Variants in SV2C observed in about 807,000 individuals in gnomAD.
SV2C encodes solute carrier family 22 member B3.
Under a neutral mutation model 79.7 loss-of-function variants are expected in SV2C, and 49 were observed. The observed-to-expected ratio is 0.61, with a 90% CI of 0.49 to 0.78. SV2C has a LOEUF of 0.78. Ranked by LOEUF, SV2C falls within the 30% of genes least tolerant of loss-of-function variation. The pLI is 0.00. For missense variants in SV2C, 833 were observed against 912.9 expected (o/e 0.91, Z 1.13); for synonymous variants, 334 against 333.2 (o/e 1.00, Z -0.03).
chr5:75,949,902 C>A, the SV2C span, among the ~76,000 whole-genome samples: 2 of 151,968 alleles, frequency 1.3e-5, no homozygotes, highest in Non-Finnish European at 2.9e-5. Context: ...TAAATTATAG[C>A]CCACAGGATT....
chr5:76,127,620 A>G (rs1179341082), intron 1 of SV2C, among the ~76,000 whole-genome samples: 1 of 152,198 alleles, frequency 6.6e-6, no homozygotes, highest in Non-Finnish European at 1.5e-5. Context: ...CCCTTTCATC[A>G]TCTCTGTGCT....
At chr5:76,151,377 C>T (rs570932498) in intron 2 of SV2C, among the ~76,000 whole-genome samples, 112 of 152,094 alleles carry the variant, frequency 7.4e-4, no homozygotes, top group Non-Finnish European at 1.3e-3. Context: ...CATTTTGGTG[C>T]CAATGGGGAG....
intron 12 of SV2C, among the ~76,000 whole-genome samples, chr5:76,343,829 T>C (rs1257288155): frequency 6.6e-6 from 1 of 152,176 alleles, no homozygotes; most frequent in Non-Finnish European, 1.5e-5. Flanking sequence ...AAGACCAGCA[T>C]AGGCAACATG....
the SV2C span, among the ~76,000 whole-genome samples, chr5:75,947,007 G>T: frequency 3.3e-5 from 5 of 152,232 alleles, no homozygotes; most frequent in East Asian, 9.7e-4. Flanking sequence ...CTGATTGGCT[G>T]AGTCTGGTCA....
At chr5:75,967,332 G>C in the SV2C span, among the ~76,000 whole-genome samples, 2 of 152,190 alleles carry the variant, frequency 1.3e-5, no homozygotes, top group Non-Finnish European at 2.9e-5. Flanking sequence ...GTGCAGAACA[G>C]TGAGTGCAGT....
the SV2C span, among the ~76,000 whole-genome samples, chr5:75,873,583 G>A: frequency 1.3e-5 from 2 of 151,974 alleles, no homozygotes; most frequent in South Asian, 4.1e-4. Flanking sequence ...ATCCTAAGGG[G>A]AAAAATATCA....
At chr5:76,215,783 G>T (rs1380229259) in intron 4 of SV2C, among the ~76,000 whole-genome samples, 2 of 152,152 alleles carry the variant, frequency 1.3e-5, no homozygotes. Flanking sequence ...TTAGTAATGG[G>T]CTTTGCTCTG....
the SV2C span, among the ~76,000 whole-genome samples, chr5:76,022,151 C>T: frequency 2.0e-5 from 3 of 152,206 alleles, no homozygotes; most frequent in Non-Finnish European, 4.4e-5. Context: ...TGCCTCACAG[C>T]GGCATTAACT....
chr5:76,266,180 G>A (rs1746648077), intron 4 of SV2C, among the ~76,000 whole-genome samples: 1 of 151,818 alleles, frequency 6.6e-6, no homozygotes. Context: ...AAGTTTCTTT[G>A]CCCACAGATT....
the SV2C span, among the ~76,000 whole-genome samples, chr5:75,949,376 C>T: frequency 2.0e-5 from 3 of 151,644 alleles, no homozygotes; most frequent in African/African-American, 7.2e-5. Context: ...CCTATTCAAG[C>T]TGTTATATTA....
the SV2C span, among the ~76,000 whole-genome samples, chr5:76,065,555 T>C: frequency 6.6e-6 from 1 of 152,198 alleles, no homozygotes; most frequent in Admixed American, 6.5e-5. Flanking sequence ...TAATTTTTTA[T>C]GAACGGCATA....
At chr5:75,935,954 G>A in the SV2C span, among the ~76,000 whole-genome samples, 1 of 152,262 alleles carries the variant, frequency 6.6e-6, no homozygotes, top group Admixed American at 6.5e-5. Context: ...TAAAATTTTT[G>A]ATAGATTAAA....
chr5:76,192,976 C>G (rs1411690605), intron 2 of SV2C, among the ~76,000 whole-genome samples: 1 of 152,116 alleles, frequency 6.6e-6, no homozygotes, highest in Admixed American at 6.5e-5. Context: ...TAAAATCTTC[C>G]CAGAGGCCAC....
chr5:76,161,928 G>A (rs900667739), intron 2 of SV2C, among the ~76,000 whole-genome samples: 1 of 152,188 alleles, frequency 6.6e-6, no homozygotes, highest in Non-Finnish European at 1.5e-5. Context: ...ACAATAAAGT[G>A]GTGGGACCTT....
the SV2C span, among the ~76,000 whole-genome samples, chr5:76,059,460 TAGG>T: frequency 9.3e-5 from 14 of 151,294 alleles, no homozygotes; most frequent in African/African-American, 3.4e-4. Context: ...GCATCTTCAC[TAGG>T]AGTAGATTCC....
chr5:75,931,098 A>G, the SV2C span, among the ~76,000 whole-genome samples: 1 of 152,160 alleles, frequency 6.6e-6, no homozygotes, highest in Admixed American at 6.5e-5. Flanking sequence ...GTGCCACTGC[A>G]CTCCAGTCTG....
chr5:76,108,196 T>G (rs1472181268), intron 1 of SV2C, among the ~76,000 whole-genome samples: 1 of 152,196 alleles, frequency 6.6e-6, no homozygotes, highest in Non-Finnish European at 1.5e-5. Context: ...GAAAGCAACT[T>G]AAGGATTTTT....
chr5:76,216,377 G>T (rs1580360031), intron 4 of SV2C, among the ~76,000 whole-genome samples: 1 of 152,270 alleles, frequency 6.6e-6, no homozygotes, highest in South Asian at 2.1e-4. Context: ...GAACTTCTGG[G>T]CCATCTGTGT....
chr5:75,877,669 A>C, the SV2C span, among the ~76,000 whole-genome samples: 1 of 151,988 alleles, frequency 6.6e-6, no homozygotes, highest in African/African-American at 2.4e-5. Flanking sequence ...CTAAATATCC[A>C]GTGCATCCAA....
Sources: allele counts gnomAD v4.1 joint callset (sites outside exome capture counted in the v4.1 genomes callset), GRCh38; gene constraint gnomAD v4.1.1; transcripts MANE v1.5; gene names NCBI Gene and HGNC (gene_info 2026-07-23, HGNC 2026-07-21).